C1QTNF3: variants seen among roughly 807,000 people sequenced by gnomAD.
C1QTNF3 encodes complement C1q tumor necrosis factor-related protein 3.
C1QTNF3 carries 26 observed loss-of-function variants against 32.6 expected under a neutral mutation model. The observed-to-expected ratio is 0.80, with a 90% CI of 0.58 to 1.11. C1QTNF3 has a LOEUF of 1.11. Ranked by LOEUF, C1QTNF3 falls within the 50% of genes least tolerant of loss-of-function variation. The pLI is 0.00. For missense variants in C1QTNF3, 362 were observed against 398.2 expected (o/e 0.91, Z 0.77); for synonymous variants, 155 against 146.0 (o/e 1.06, Z -0.44).
At chr5:34,203,932 A>G in the C1QTNF3 span, among the ~76,000 whole-genome samples, 4 of 152,146 alleles carry the variant, frequency 2.6e-5, no homozygotes, top group Non-Finnish European at 4.4e-5. Flanking sequence ...AAAGGAAGTC[A>G]TTACATAATG....
At chr5:34,228,825 C>T in the C1QTNF3 span, among the ~76,000 whole-genome samples, 1 of 151,466 alleles carries the variant, frequency 6.6e-6, no homozygotes, top group Non-Finnish European at 1.5e-5. Flanking sequence ...GCTACTATTC[C>T]TAATTCCTCT....
the C1QTNF3 span, among the ~76,000 whole-genome samples, chr5:34,122,990 G>A: frequency 5.3e-5 from 8 of 149,748 alleles, no homozygotes; most frequent in African/African-American, 1.2e-4. Flanking sequence ...TCCACTCCCC[G>A]CACTCTGCAG....
At chr5:34,041,315 CTAGAAG>C (rs1488417377) in intron 1 of C1QTNF3, among the ~76,000 whole-genome samples, 1 of 152,104 alleles carries the variant, frequency 6.6e-6, no homozygotes, top group Non-Finnish European at 1.5e-5. Context: ...CTTCAGGAAC[CTAGAAG>C]GTAGAGTGAA....
chr5:34,137,147 T>TA, the C1QTNF3 span, among the ~76,000 whole-genome samples: 5,998 of 142,210 alleles, frequency 0.042, 403 homozygotes, highest in African/African-American at 0.15. Flanking sequence ...AAAGTATAAT[T>TA]AAAAAAAAAA....
chr5:34,038,363 C>T (rs1375811523), intron 1 of C1QTNF3, among the ~76,000 whole-genome samples: 1 of 151,982 alleles, frequency 6.6e-6, no homozygotes, highest in Non-Finnish European at 1.5e-5. Context: ...GAGAGAGGGG[C>T]CTCATGATCC....
chr5:34,020,353 A>T lies in C1QTNF3; in HGVS notation c.*230T>A, dbSNP rs529114954. ...TTAGGTGCCAAGGAAAGAGTGATAA[A>T]GATGCTGAGTATATTAGTCAAGGTC... On this transcript the variant is annotated 3_prime_UTR_variant, in exon 6 of 6. Coordinates refer to ENST00000382065, the MANE Select transcript of C1QTNF3 (RefSeq NM_181435.6). 5 of 428,300 alleles carry T rather than the reference A, an allele frequency of 1.2e-5. No individual in the cohort carries two copies. The Admixed American group carries it at 2.0e-4, about 17-fold the overall frequency. The allele number at this position is 428,300 out of a possible 1,614,324, so 26.5% of individuals were successfully genotyped here.
rs1449383163 is a variant in C1QTNF3, at chr5:34,028,797, G to A, written c.657C>T (p.Asn219=). The A allele has an allele frequency of 1.2e-6, 2 of 1,611,964 alleles. No homozygotes were observed. Among genetic ancestry groups the A allele is most frequent in the African/African-American group, 1.3e-5 (1 of 74,924 alleles). ...IFSSVETNIG[N]FFDVMTGRFG... ...ATCTACCAGTCATGACATCAAAGAA[G>A]TTTCCAATGTTGGTCTCAACACTGC... The change falls in exon 4 of 6, where the codon AAC becomes AAT. Residue 219 remains asparagine (N), a synonymous_variant. Coordinates refer to ENST00000382065, the MANE Select transcript of C1QTNF3 (RefSeq NM_181435.6).
At chr5:34,171,071 C>T in the C1QTNF3 span, among the ~76,000 whole-genome samples, 4 of 152,132 alleles carry the variant, frequency 2.6e-5, no homozygotes, top group African/African-American at 7.2e-5. Context: ...GACAGCCCTT[C>T]CTTTGTAAAG....
At chr5:34,144,608 A>G in the C1QTNF3 span, among the ~76,000 whole-genome samples, 1 of 152,252 alleles carries the variant, frequency 6.6e-6, no homozygotes, top group Non-Finnish European at 1.5e-5. Context: ...AATAAAAAAA[A>G]GAAGTGAATA....
the C1QTNF3 span, among the ~76,000 whole-genome samples, chr5:34,104,807 G>A: frequency 1.3e-5 from 2 of 149,026 alleles, no homozygotes. Flanking sequence ...AAAGTGCTGG[G>A]ATTACAGGCG....
the C1QTNF3 span, among the ~76,000 whole-genome samples, chr5:34,174,734 A>C: frequency 6.6e-6 from 1 of 151,976 alleles, no homozygotes; most frequent in African/African-American, 2.4e-5. Context: ...CACAGATCTT[A>C]TTGTCTTTGA....
At chr5:34,096,220 T>C in the C1QTNF3 span, among the ~76,000 whole-genome samples, 1 of 151,794 alleles carries the variant, frequency 6.6e-6, no homozygotes, top group Non-Finnish European at 1.5e-5. Context: ...ATGCTAAGCA[T>C]TTTAATAGTT....
chr5:34,040,027 G>A (rs1311368121), intron 1 of C1QTNF3, among the ~76,000 whole-genome samples: 2 of 152,102 alleles, frequency 1.3e-5, no homozygotes, highest in Admixed American at 6.5e-5. Flanking sequence ...TCCTTCCTCT[G>A]GCCTTGTCTT....
rs924161449 is a variant in C1QTNF3 at position 34,018,644 on chromosome 5, A to G, written c.*1939T>C. Among the ~76,000 whole-genome samples the G allele has an allele frequency of 3.9e-5, 6 of 152,208 alleles. No homozygotes were observed. Among genetic ancestry groups the G allele is most frequent in the African/African-American group, 1.4e-4 (6 of 41,444 alleles). ...TTTTTTACATTTTAATTTTGACTTC[A>G]GCTTTTATTCATGATACAATCAATA... is the stretch of plus-strand genomic sequence containing the variant. On this transcript the variant is annotated 3_prime_UTR_variant, in exon 6 of 6. Coordinates refer to ENST00000382065, the MANE Select transcript of C1QTNF3 (RefSeq NM_181435.6).
rs534739812 is a variant in C1QTNF3, at chr5:34,023,016, C to T, written c.800+893G>A. On this transcript the variant is annotated intron_variant, in intron 5 of 5. Transcript: ENST00000382065. ...GACTACAGGCGCCTGCCACCATGCCCGGGTAATTTTTTGTATTTTTAGTAG... is the reference window on the plus strand; with the variant it reads ...GACTACAGGCGCCTGCCACCATGCCTGGGTAATTTTTTGTATTTTTAGTAG... Among the ~76,000 whole-genome samples the T allele has an allele frequency of 4.6e-5, 7 of 152,180 alleles. No individual in the cohort carries two copies. In the East Asian group the frequency reaches 7.8e-4, roughly 17 times the overall value.
chr5:34,073,484 G>A, the C1QTNF3 span, among the ~76,000 whole-genome samples: 6 of 152,104 alleles, frequency 3.9e-5, no homozygotes, highest in Non-Finnish European at 5.9e-5. Context: ...AAGATTATGC[G>A]TTTGTCTAGA....
the C1QTNF3 span, among the ~76,000 whole-genome samples, chr5:34,102,965 G>A: frequency 9.2e-5 from 14 of 152,024 alleles, no homozygotes; most frequent in South Asian, 4.2e-4. Flanking sequence ...ATGTACCCTA[G>A]AACTTAAAGT....
chr5:34,230,431 T>C, the C1QTNF3 span, among the ~76,000 whole-genome samples: 1 of 152,208 alleles, frequency 6.6e-6, no homozygotes, highest in African/African-American at 2.4e-5. Flanking sequence ...TGTTTCATGA[T>C]GGTCAATGAT....
intron 1 of C1QTNF3, among the ~76,000 whole-genome samples, chr5:34,036,130 C>T (rs1306524222): frequency 1.3e-5 from 2 of 152,076 alleles, no homozygotes; most frequent in Non-Finnish European, 2.9e-5. Flanking sequence ...TGCCATAGCC[C>T]CAGATGTAGC....
Sources: allele counts gnomAD v4.1 joint callset (sites outside exome capture counted in the v4.1 genomes callset), GRCh38; gene constraint gnomAD v4.1.1; transcripts MANE v1.5; gene names NCBI Gene and HGNC (gene_info 2026-07-23, HGNC 2026-07-21).